The following HFM1 variants were observed in gnomAD, a reference collection of about 807,000 sequenced individuals.
HFM1 encodes probable ATP-dependent DNA helicase HFM1.
In HFM1, 169 loss-of-function variants were observed where a neutral mutation model predicts 192.1. The observed-to-expected ratio is 0.88, with a 90% CI of 0.78 to 1.00. The LOEUF is 1.00. HFM1 is among the 50% of genes least tolerant of loss of function. HFM1 has a pLI of 0.00. For missense variants in HFM1, 1,661 were observed against 1,668.0 expected, an observed-to-expected ratio of 1.00 and a Z score of 0.07; for synonymous variants, 525 against 537.8, an observed-to-expected ratio of 0.98 and a Z score of 0.33.
chr1:91,326,639 A>G (rs2893151), intron 20 of HFM1, among the ~76,000 whole-genome samples: 36,411 of 152,174 alleles, frequency 0.24, 4,764 homozygotes, highest in East Asian at 0.53. Flanking sequence ...TCTGAAAGAA[A>G]AGGATGTTAA....
chr1:91,387,891 A>G (rs1033610758), intron 4 of HFM1, among the ~76,000 whole-genome samples: 2 of 147,550 alleles, frequency 1.4e-5, no homozygotes, highest in African/African-American at 2.5e-5. Flanking sequence ...CAATGTGCAC[A>G]TGTACCCTAA....
At chr1:91,277,207 C>T (rs1344168705) in intron 30 of HFM1, 145 bp from the exon 31 acceptor site, 11 of 450,546 alleles carry the variant, frequency 2.4e-5, no homozygotes, top group East Asian at 1.6e-4. Flanking sequence ...TTGTAATCCA[C>T]GTAATTTTTT....
At chr1:91,383,780 T>C (rs955916898) in intron 6 of HFM1, among the ~76,000 whole-genome samples, 1 of 152,140 alleles carries the variant, frequency 6.6e-6, no homozygotes. Flanking sequence ...TTAAAAAATA[T>C]TGCATGGTTT....
At chr1:91,330,698 A>G (rs1167075950) in intron 20 of HFM1, among the ~76,000 whole-genome samples, 1 of 152,214 alleles carries the variant, frequency 6.6e-6, no homozygotes, top group Non-Finnish European at 1.5e-5. Context: ...AAGACATATC[A>G]AAAAAGGGAA....
At chr1:91,278,938 G>GA (rs1477853305) in intron 30 of HFM1, among the ~76,000 whole-genome samples, 1 of 151,758 alleles carries the variant, frequency 6.6e-6, no homozygotes, top group Non-Finnish European at 1.5e-5. Flanking sequence ...GAACTCTCAA[G>GA]AAACATAAAA....
chr1:91,404,576 C>G (rs549574963), intron 1 of HFM1: 23 of 260,114 alleles, frequency 8.8e-5, no homozygotes, highest in African/African-American at 5.5e-4. Flanking sequence ...CGCCGCAGGC[C>G]TCACCGCTTT....
At chr1:91,373,745 G>A (rs1168873698) in intron 13 of HFM1, among the ~76,000 whole-genome samples, 3 of 152,040 alleles carry the variant, frequency 2.0e-5, no homozygotes, top group Non-Finnish European at 4.4e-5. Context: ...ACCAGAAGCC[G>A]AGCAGATGTG....
chr1:91,380,217 T>C lies in HFM1; in HGVS notation c.893A>G (p.Asn298Ser). The change falls in exon 8 of 39, where the codon AAT (asparagine) becomes AGT (serine). Residue 298 changes from asparagine to serine, a missense_variant. Asn to Ser is a conservative substitution (Grantham distance 46). Transcript: ENST00000370425. Reference sequence around the variant, plus strand: ...ACCAGTTGGAGCACAAATCACAAAATTCCTATCTGTGTAAAGAAGCTAAAA... The same window carrying C: ...ACCAGTTGGAGCACAAATCACAAAACTCCTATCTGTGTAAAGAAGCTAAAA... ...AFDDLLYTDR[N>S]FVICAPTGSG... The C allele has an allele frequency of 6.3e-7, 1 of 1,577,700 alleles. No homozygotes were observed. Among genetic ancestry groups the C allele is most frequent in the South Asian group, 1.2e-5 (1 of 86,618 alleles).
chr1:91,307,127 ATCTTTT>A (rs1464866101), intron 30 of HFM1, among the ~76,000 whole-genome samples: 2 of 152,074 alleles, frequency 1.3e-5, no homozygotes, highest in African/African-American at 4.8e-5. Flanking sequence ...AATTTTATTT[ATCTTTT>A]CTAAGAACCA....
intron 9 of HFM1, among the ~76,000 whole-genome samples, chr1:91,378,702 C>T (rs1380901719): frequency 1.3e-5 from 2 of 152,008 alleles, no homozygotes; most frequent in Non-Finnish European, 2.9e-5. Flanking sequence ...TGTTTTTACA[C>T]TGAACCACAA....
At chr1:91,394,425 T>C in intron 3 of HFM1, 23 bp from the exon 4 acceptor site, 1 of 1,257,006 alleles carries the variant, frequency 8.0e-7, no homozygotes, top group Non-Finnish European at 1.1e-6. Context: ...AATATCTTAA[T>C]TATTACATGT....
intron 13 of HFM1, among the ~76,000 whole-genome samples, chr1:91,372,938 T>C (rs1199315574): frequency 2.0e-5 from 3 of 152,144 alleles, no homozygotes; most frequent in East Asian, 3.9e-4. Context: ...TCTTATTGCT[T>C]AATCTTGCTT....
chr1:91,283,961 T>C (rs774175833), intron 30 of HFM1, among the ~76,000 whole-genome samples: 1 of 152,108 alleles, frequency 6.6e-6, no homozygotes, highest in Non-Finnish European at 1.5e-5. Flanking sequence ...ATGCTAATCA[T>C]AGATTTATGC....
chr1:91,402,161 T>C (rs1664373917), intron 1 of HFM1, among the ~76,000 whole-genome samples: 1 of 152,184 alleles, frequency 6.6e-6, no homozygotes, highest in Non-Finnish European at 1.5e-5. Context: ...TGCCATCTAG[T>C]GGAGAAATAC....
At chr1:91,381,367 T>C (rs983856258) in intron 6 of HFM1, among the ~76,000 whole-genome samples, 1 of 152,198 alleles carries the variant, frequency 6.6e-6, no homozygotes, top group Non-Finnish European at 1.5e-5. Context: ...TTCTTTAATG[T>C]ACAGAATTTC....
At chr1:91,272,824 T>C (rs1319389122) in intron 34 of HFM1, among the ~76,000 whole-genome samples, 1 of 151,652 alleles carries the variant, frequency 6.6e-6, no homozygotes, top group Non-Finnish European at 1.5e-5. Flanking sequence ...TGTAAAATCT[T>C]AAATTATGAC....
At chr1:91,307,512 G>C (rs542956272) in intron 30 of HFM1, among the ~76,000 whole-genome samples, 36 of 152,174 alleles carry the variant, frequency 2.4e-4, no homozygotes, top group African/African-American at 8.2e-4. Flanking sequence ...GAGTGCAGTA[G>C]TGTGATCTCA....
At chr1:91,348,807 C>T (rs1051663653) in intron 18 of HFM1, among the ~76,000 whole-genome samples, 1 of 151,350 alleles carries the variant, frequency 6.6e-6, no homozygotes, top group East Asian at 2.0e-4. Flanking sequence ...GCCTGTAGTA[C>T]CAGCTACTCT....
chr1:91,353,322 T>A, intron 13 of HFM1, 23 bp from the exon 14 acceptor site: 1 of 1,390,982 alleles, frequency 7.2e-7, no homozygotes, highest in Non-Finnish European at 1.0e-6. Context: ...ACCATAAAAT[T>A]ATTGAGTTAC....
Sources: allele counts gnomAD v4.1 joint callset (sites outside exome capture counted in the v4.1 genomes callset), GRCh38; gene constraint gnomAD v4.1.1; transcripts MANE v1.5; gene names NCBI Gene and HGNC (gene_info 2026-07-23, HGNC 2026-07-21).